The following GMDS variants were observed in gnomAD, a reference collection of about 807,000 sequenced individuals.
GMDS encodes GDP-mannose 4,6-dehydratase, also known as GDP-mannose 4,6 dehydratase.
In GMDS, 20 loss-of-function variants were observed where a neutral mutation model predicts 49.9. That is an observed-to-expected ratio of 0.40 (90% CI 0.28 to 0.58). GMDS has a LOEUF of 0.58. GMDS is among the 20% of genes least tolerant of loss of function. The pLI is 0.42. For missense variants in GMDS, 362 were observed against 481.4 expected, an observed-to-expected ratio of 0.75 and a Z score of 2.32; for synonymous variants, 177 against 178.6, an observed-to-expected ratio of 0.99 and a Z score of 0.07.
chr6:1,952,118 G>A, intron 6 of GMDS: 2 of 338,120 alleles, frequency 5.9e-6, no homozygotes, highest in Non-Finnish European at 8.4e-6. Flanking sequence ...TGCTGCTTCT[G>A]TTTCCTCATT....
At chr6:1,835,949 A>G (rs566209656) in intron 7 of GMDS, among the ~76,000 whole-genome samples, 11 of 152,196 alleles carry the variant, frequency 7.2e-5, no homozygotes, top group African/African-American at 2.6e-4. Flanking sequence ...CAGTAGCGCT[A>G]TCTGTAGCGC....
intron 4 of GMDS, among the ~76,000 whole-genome samples, chr6:2,015,009 C>T (rs1165713013): frequency 6.6e-6 from 1 of 151,992 alleles, no homozygotes; most frequent in African/African-American, 2.4e-5. Flanking sequence ...TCCAAGAAAA[C>T]ATAATAATCC....
intron 4 of GMDS, among the ~76,000 whole-genome samples, chr6:2,079,874 T>C (rs187832509): frequency 2.3e-3 from 345 of 152,306 alleles, no homozygotes; most frequent in Non-Finnish European, 3.8e-3. Context: ...TCATCTATTA[T>C]TTAATAACAA....
At chr6:2,190,142 A>C (rs985015911) in intron 1 of GMDS, among the ~76,000 whole-genome samples, 1 of 152,222 alleles carries the variant, frequency 6.6e-6, no homozygotes, top group South Asian at 2.1e-4. Flanking sequence ...TTTATTTTAT[A>C]TTTTATTTCT....
chr6:1,931,878 C>T (rs957407406), intron 6 of GMDS, among the ~76,000 whole-genome samples: 1 of 152,182 alleles, frequency 6.6e-6, no homozygotes, highest in Non-Finnish European at 1.5e-5. Context: ...GTTGACTACG[C>T]ACCCACCAAT....
chr6:2,074,766 A>C (rs1026359284), intron 4 of GMDS, among the ~76,000 whole-genome samples: 9 of 152,136 alleles, frequency 5.9e-5, no homozygotes, highest in African/African-American at 1.7e-4. Context: ...AGCCTCTCAA[A>C]GTGCTGGGAT....
At chr6:1,826,870 T>C (rs1771134549) in intron 7 of GMDS, among the ~76,000 whole-genome samples, 1 of 151,756 alleles carries the variant, frequency 6.6e-6, no homozygotes, top group African/African-American at 2.4e-5. Flanking sequence ...AGTTTGAGAG[T>C]AGTCTGTGCA....
chr6:2,184,423 C>T (rs1261211298), intron 1 of GMDS, among the ~76,000 whole-genome samples: 1 of 152,192 alleles, frequency 6.6e-6, no homozygotes, highest in Non-Finnish European at 1.5e-5. Context: ...GATTCTCTTC[C>T]TCATTATACT....
intron 4 of GMDS, among the ~76,000 whole-genome samples, chr6:2,092,177 C>T (rs1440052836): frequency 1.3e-5 from 2 of 152,210 alleles, no homozygotes; most frequent in Non-Finnish European, 2.9e-5. Flanking sequence ...ACTGCTACGA[C>T]CGGTTAGTAG....
intron 4 of GMDS, among the ~76,000 whole-genome samples, chr6:2,089,833 C>T (rs191830581): frequency 6.6e-6 from 1 of 152,282 alleles, no homozygotes; most frequent in East Asian, 1.9e-4. Context: ...GTGGTTACAC[C>T]TTCTTAGGAA....
At chr6:2,222,543 G>A (rs1023703592) in intron 1 of GMDS, among the ~76,000 whole-genome samples, 1 of 152,188 alleles carries the variant, frequency 6.6e-6, no homozygotes, top group African/African-American at 2.4e-5. Context: ...GATTCTGTTA[G>A]GCAATTTAAG....
chr6:2,045,933 G>T (rs1769982131), intron 4 of GMDS, among the ~76,000 whole-genome samples: 1 of 152,196 alleles, frequency 6.6e-6, no homozygotes, highest in African/African-American at 2.4e-5. Context: ...AAGCTCAGCT[G>T]GGTGCAGTGG....
At chr6:2,071,228 C>A (rs117825977) in intron 4 of GMDS, among the ~76,000 whole-genome samples, 2 of 152,156 alleles carry the variant, frequency 1.3e-5, no homozygotes, top group African/African-American at 2.4e-5. Context: ...AAATTACCTA[C>A]GAAACCCAAA....
intron 9 of GMDS, among the ~76,000 whole-genome samples, chr6:1,630,811 T>G (rs1762977590): frequency 6.6e-6 from 1 of 152,160 alleles, no homozygotes; most frequent in African/African-American, 2.4e-5. Flanking sequence ...GAAAGCTAGA[T>G]TAATGACTGT....
At chr6:1,867,950 A>C (rs1457170781) in intron 7 of GMDS, among the ~76,000 whole-genome samples, 2 of 151,002 alleles carry the variant, frequency 1.3e-5, no homozygotes, top group Non-Finnish European at 2.9e-5. Context: ...GATCCTAGGA[A>C]GGGAGGCTCC....
Position 1,745,252 on chromosome 6 carries a change from C to A in GMDS, c.772-2666G>T, listed in dbSNP as rs566310393. The stretch of plus-strand genomic sequence containing the variant: ...GTGTTAGAGTGGTCTCAAAAAAGTC[C>A]TATTTTTAGTCATGTGAAAGAAGAC... On this transcript the variant is annotated intron_variant, in intron 7 of 10. Coordinates refer to ENST00000380815, the MANE Select transcript of GMDS (RefSeq NM_001500.4). Among the ~76,000 whole-genome samples the A allele has an allele frequency of 3.4e-4, 52 of 152,308 alleles. No individual in the cohort carries two copies. In the South Asian group the frequency reaches 0.01, roughly 30 times the overall value.
intron 4 of GMDS, among the ~76,000 whole-genome samples, chr6:1,987,885 T>G (rs1390403668): frequency 1.3e-5 from 2 of 152,186 alleles, no homozygotes; most frequent in East Asian, 3.8e-4. Context: ...AGTCAGGGAC[T>G]ACTATTATAT....
chr6:1,822,627 A>C (rs934631117), intron 7 of GMDS, among the ~76,000 whole-genome samples: 1 of 152,202 alleles, frequency 6.6e-6, no homozygotes, highest in Non-Finnish European at 1.5e-5. Flanking sequence ...TGAAAAAAGG[A>C]GAAATAGAAT....
chr6:2,222,116 A>G (rs923873563), intron 1 of GMDS, among the ~76,000 whole-genome samples: 1 of 152,238 alleles, frequency 6.6e-6, no homozygotes, highest in East Asian at 1.9e-4. Flanking sequence ...AGTATGCTGA[A>G]GTCTGATAAT....
Sources: gnomAD v4.1 joint callset for allele counts (sites outside exome capture counted in the v4.1 genomes callset) on GRCh38, gnomAD v4.1.1 for gene constraint, MANE v1.5 for transcripts, NCBI Gene and HGNC (gene_info 2026-07-23, HGNC 2026-07-21) for gene names.